TGM2: variants seen among roughly 807,000 people sequenced by gnomAD.
The protein encoded by TGM2 is protein-glutamine gamma-glutamyltransferase 2.
A neutral mutation model predicts 75.6 loss-of-function variants in TGM2; 53 were observed. The ratio of observed to expected loss-of-function variants is 0.70; its 90% CI spans 0.56 to 0.88. The LOEUF (loss-of-function observed/expected upper bound fraction) is 0.88. Among genes scored for constraint, TGM2 ranks in the 40% least tolerant of loss-of-function variants. The pLI, the probability that TGM2 is intolerant of heterozygous loss-of-function variation, is 0.00. For missense variants in TGM2, 842 were observed against 928.5 expected (o/e 0.91, Z 1.21); for synonymous variants, 374 against 381.1 (o/e 0.98, Z 0.22).
At chr20:38,167,813 C>G (rs559830613), upstream of TGM2, among the ~76,000 whole-genome samples, 1 of 152,206 alleles carries the variant, frequency 6.6e-6, no homozygotes, top group African/African-American at 2.4e-5. Context: ...GTTCATTACA[C>G]AGAGTGGGTA....
intron 8 of TGM2, among the ~76,000 whole-genome samples, chr20:38,140,996 T>C (rs1338667537): frequency 6.6e-6 from 1 of 152,162 alleles, no homozygotes; most frequent in African/African-American, 2.4e-5. Flanking sequence ...TGGAAGCTCG[T>C]GTGAATGTTA....
At position 38,143,837 on chromosome 20, in the gene TGM2, G is replaced by A. The variant is rs911901355; in HGVS notation, c.860-1638C>T. Among the ~76,000 whole-genome samples, 22 of 152,350 alleles carry A rather than the reference G, an allele frequency of 1.4e-4. 1 individual carries two copies. The highest frequency in any genetic ancestry group is 5.1e-4 in the African/African-American group (21 of 41,578). ...AGTTTGGGAGTGGGGGAGAAGGGAT[G>A]CGACCTTTGCCCTGGGGCCACCATC... On this transcript the variant is annotated intron_variant, in intron 6 of 12. Coordinates refer to ENST00000361475, the MANE Select transcript of TGM2 (RefSeq NM_004613.4).
At chr20:38,140,188 C>T (rs1231715585) in intron 8 of TGM2, among the ~76,000 whole-genome samples, 1 of 152,222 alleles carries the variant, frequency 6.6e-6, no homozygotes, top group African/African-American at 2.4e-5. Context: ...AATACGGGTG[C>T]CTGATGTTTA....
chr20:38,143,618 G>A lies in TGM2; in HGVS notation c.860-1419C>T, dbSNP rs45556732. Among the ~76,000 whole-genome samples the A allele has an allele frequency of 5.9e-3, 881 of 150,488 alleles. 6 individuals carry two copies. Among genetic ancestry groups the A allele is most frequent in the African/African-American group, 0.021 (865 of 40,842 alleles). ...ATCCCGGTGTGGATCTCACCCACAC[G>A]GCCCACTGGGTGCTCCTGGCAGACG... On this transcript the variant is annotated intron_variant, in intron 6 of 12. Coordinates refer to ENST00000361475, the MANE Select transcript of TGM2 (RefSeq NM_004613.4).
chr20:38,167,822 T>A (rs2075322673), upstream of TGM2, among the ~76,000 whole-genome samples: 1 of 152,186 alleles, frequency 6.6e-6, no homozygotes, highest in South Asian at 2.1e-4. Context: ...ACAGAGTGGG[T>A]ATGTCACGCA....
intron 1 of TGM2, among the ~76,000 whole-genome samples, chr20:38,164,025 T>A (rs937744004): frequency 1.3e-5 from 2 of 152,200 alleles, no homozygotes. Flanking sequence ...CAGTGAGACC[T>A]CTGTCAGAAG....
intron 2 of TGM2, among the ~76,000 whole-genome samples, chr20:38,156,766 C>T (rs2075193395): frequency 6.6e-6 from 1 of 152,208 alleles, no homozygotes; most frequent in Non-Finnish European, 1.5e-5. Flanking sequence ...TCATGAAGCA[C>T]CTGCTTCCTT....
chr20:38,163,142 G>A (rs760892569), intron 1 of TGM2, among the ~76,000 whole-genome samples: 25 of 152,180 alleles, frequency 1.6e-4, no homozygotes, highest in Non-Finnish European at 2.8e-4. Context: ...ACCAGGGCAC[G>A]GTCAGGGTGA....
At chr20:38,162,094 G>A (rs2075261333) in intron 1 of TGM2, among the ~76,000 whole-genome samples, 2 of 152,294 alleles carry the variant, frequency 1.3e-5, no homozygotes, top group East Asian at 1.9e-4. Context: ...GTGCAGGTGC[G>A]AGCCACAGTG....
In TGM2 at chr20:38,129,608, GC is replaced by G. The variant is rs2074802041; in HGVS notation, c.*610del. On this transcript the variant is annotated 3_prime_UTR_variant, in exon 13 of 13. Coordinates refer to ENST00000361475, the MANE Select transcript of TGM2 (RefSeq NM_004613.4). ...ATTAAATGGGTTGGAGGCCCCGTGA[GC>G]CCCAGCAAGTGTGGGAGGCACCCAG... The G allele has an allele frequency of 6.5e-6, 1 of 153,186 alleles. No individual in the cohort carries two copies. The highest frequency in any genetic ancestry group is 2.4e-5 in the African/African-American group (1 of 41,460). The allele number at this position is 153,186 out of a possible 1,614,324, so 9.5% of individuals were successfully genotyped here. A position where few individuals can be genotyped will look rare whatever the true frequency, so the allele number is the denominator to read the frequency against.
intron 6 of TGM2, among the ~76,000 whole-genome samples, chr20:38,144,557 C>A (rs1322660738): frequency 6.6e-6 from 1 of 152,180 alleles, no homozygotes; most frequent in Non-Finnish European, 1.5e-5. Context: ...CCAAGCCTAA[C>A]CGGAGCCAGA....
chr20:38,131,210 T>A lies in TGM2; in HGVS notation c.1796A>T (p.Gln599Leu), dbSNP rs747144340. 3.2e-5 allele frequency: 52 copies of A among 1,613,914 alleles called. No individual in the cohort carries two copies. In the South Asian group the frequency reaches 5.4e-4, roughly 17 times the overall value. The change falls in exon 12 of 13, where the codon CAG becomes CTG. Residue 599 changes from glutamine (Q) to leucine (L), a missense_variant. Transcript: ENST00000361475. ...CACCTCAGCCACCAGCTTGCGTTTC[T>A]GCTTGGGCTCCCCAAGGATCTGGAA... ...IKIRILGEPK[Q>L]KRKLVAEVSL...
chr20:38,136,197 C>A (rs1389098323), intron 10 of TGM2, among the ~76,000 whole-genome samples: 1 of 152,008 alleles, frequency 6.6e-6, no homozygotes, highest in East Asian at 1.9e-4. Context: ...CACGGTGGGC[C>A]CAAGATAGAA....
chr20:38,137,888 G>C, intron 10 of TGM2: 2 of 1,018,364 alleles, frequency 2.0e-6, no homozygotes, highest in Non-Finnish European at 2.8e-6. Context: ...CTGTGCCTCA[G>C]TCTACTCATC....
Position 38,142,035 on chromosome 20 carries a change from CT to C in TGM2, c.995+28del, listed in dbSNP as rs2074981128. 3 of 1,613,810 alleles carry C rather than the reference CT, an allele frequency of 1.9e-6. No individual in the cohort carries two copies. In the African/African-American group the frequency reaches 4.0e-5, roughly 22 times the overall value. ...TCTCCATGGGGCCCTCCCTACTGGG[CT>C]CCGATCCCACCCTGGCCCCCACCTC... On this transcript the variant is annotated intron_variant, in intron 7 of 12. Transcript: ENST00000361475.
At chr20:38,153,533 G>GAAAAAAAAAAAAAAGAAAAGAAAAA (rs542368902) in intron 3 of TGM2, among the ~76,000 whole-genome samples, 1 of 87,448 alleles carries the variant, frequency 1.1e-5, no homozygotes, top group Admixed American at 1.2e-4. Flanking sequence ...TCAAAAAAAA[G>GAAAAAAAAAAAAAAGAAAAGAAAAA]AAAAAAAAAA....
intron 5 of TGM2, 100 bp from the exon 6 acceptor site, chr20:38,146,994 G>A: frequency 5.4e-6 from 7 of 1,285,740 alleles, no homozygotes; most frequent in Non-Finnish European, 7.6e-6. Flanking sequence ...AGCTGGGGAG[G>A]GGAGCTCCAG....
At chr20:38,136,878 T>A (rs1157380714) in intron 10 of TGM2, among the ~76,000 whole-genome samples, 3 of 152,088 alleles carry the variant, frequency 2.0e-5, no homozygotes, top group Non-Finnish European at 4.4e-5. Context: ...TTTAGGAAGA[T>A]AACCAGGCAC....
Position 38,156,068 on chromosome 20 carries a change from GCCTCCTGGCTAGGGGCTGGGC to G in TGM2, c.191_211del (p.Gly64_Glu70del). 1 of 1,613,438 alleles carries G rather than the reference GCCTCCTGGCTAGGGGCTGGGC, an allele frequency of 6.2e-7. No individual in the cohort carries two copies. The highest frequency in any genetic ancestry group is 8.5e-7 in the Non-Finnish European group (1 of 1,179,944). On this transcript the variant is annotated inframe_deletion and splice_region_variant, in exon 3 of 13. Transcript: ENST00000361475. The stretch of plus-strand genomic sequence containing the variant: ...TAGTGGAAAACGGGCCTTGGTCCCG[GCCTCCTGGCTAGGGGCTGGGC>G]CTGTGGAGGGAGAAGCAGTAGCCGT...
Sources: allele counts gnomAD v4.1 joint callset (sites outside exome capture counted in the v4.1 genomes callset), GRCh38; gene constraint gnomAD v4.1.1; transcripts MANE v1.5; gene names NCBI Gene and HGNC (gene_info 2026-07-23, HGNC 2026-07-21).